The following OR5A2 variants were observed in gnomAD, a reference collection of about 807,000 sequenced individuals.
OR5A2 encodes the protein olfactory receptor 5A2.
For synonymous variants in OR5A2, 155 were observed against 151.1 expected, an observed-to-expected ratio of 1.03 and a Z score of -0.19; for missense variants, 406 against 398.9, an observed-to-expected ratio of 1.02 and a Z score of -0.15.
rs1174807316 is a variant in OR5A2 at position 59,418,935 on chromosome 11, G to A, written c.*3044C>T. 6.6e-6 allele frequency: 1 copy of A among 152,138 alleles called. No individual in the cohort carries two copies. Among genetic ancestry groups the A allele is most frequent in the Non-Finnish European group, 1.5e-5 (1 of 68,022 alleles). The allele number at this position is 152,138 out of a possible 1,614,324, so 9.4% of individuals were successfully genotyped here. A position where few individuals can be genotyped will look rare whatever the true frequency, so the allele number is the denominator to read the frequency against. On this transcript the variant is annotated 3_prime_UTR_variant, in exon 2 of 2. Coordinates refer to ENST00000302040, the MANE Select transcript of OR5A2 (RefSeq NM_001001954.2). ...ATAGCTCCATGTAAATCCAAAGCAT[G>A]AGACATTTTCATTAGTTAATTGTGT...
Position 59,422,358 on chromosome 11 carries a change from A to C in OR5A2, c.596T>G (p.Val199Gly). ...SCSDTFTSEV[V>G]TFIVSVVVGI... ...AACGACAACACTGACTATGAAGGTC[A>C]CCACCTCGCTGGTGAAGGTATCAGA... Residue 199 changes from valine (V) to glycine (G), a missense_variant, in exon 2 of 2, where the codon GTG becomes GGG. Physicochemically the swap from Val to Gly is moderately radical, Grantham distance 109. Transcript: ENST00000302040. 1 of 1,614,148 alleles carries C rather than the reference A, an allele frequency of 6.2e-7. No homozygotes were observed. The highest frequency in any genetic ancestry group is 2.2e-5 in the East Asian group (1 of 44,870).
In OR5A2 at chr11:59,421,932, T is replaced by C. The variant is rs9988824; in HGVS notation, c.*47A>G. On this transcript the variant is annotated 3_prime_UTR_variant, in exon 2 of 2. Transcript: ENST00000302040. Reference sequence around the variant, plus strand: ...CTATAGATCAACTAGTTTAAAATTATGTAAATGTCTGCACAATTCACCTAG... The same window carrying C: ...CTATAGATCAACTAGTTTAAAATTACGTAAATGTCTGCACAATTCACCTAG... The C allele has an allele frequency of 0.97, 1,467,242 of 1,511,618 alleles. 714,409 individuals carry two copies. The highest frequency in any genetic ancestry group is 0.99 in the Non-Finnish European group (1,116,337 of 1,128,364). 93.6% of individuals were successfully genotyped at this position (1,511,618 alleles called of 1,614,324 possible). A position where few individuals can be genotyped will look rare whatever the true frequency, so the allele number is the denominator to read the frequency against.
chr11:59,423,070 A>C (rs1042507140), intron 1 of OR5A2, 26 bp from the exon 2 acceptor site: 1 of 1,039,962 alleles, frequency 9.6e-7, no homozygotes, highest in African/African-American at 1.6e-5. Flanking sequence ...AACAGTCAGC[A>C]ACAAGTTAAA....
chr11:59,423,716 C>G (rs775738231), intron 1 of OR5A2: 1 of 152,052 alleles, frequency 6.6e-6, no homozygotes, highest in Non-Finnish European at 1.5e-5. Context: ...CACACACACA[C>G]TTAGCATGCT....
Position 59,422,675 on chromosome 11 carries a change from A to G in OR5A2, c.279T>C (p.Ile93=), listed in dbSNP as rs763417964. Residue 93 remains isoleucine (I), a synonymous_variant, in exon 2 of 2, where the codon ATT becomes ATC. Coordinates refer to ENST00000302040, the MANE Select transcript of OR5A2 (RefSeq NM_001001954.2). ...LSDIITEQKT[I]SFVGCATQYF... ...ACTGAGTGGCACAGCCAACAAAGGAAATGGTTTTCTGCTCTGTGATGATGT... is the reference window on the plus strand; with the variant it reads ...ACTGAGTGGCACAGCCAACAAAGGAGATGGTTTTCTGCTCTGTGATGATGT... The G allele has an allele frequency of 1.2e-5, 20 of 1,614,040 alleles. No homozygotes were observed. In the Admixed American group the frequency reaches 3.3e-4, roughly 27 times the overall value.
intron 1 of OR5A2, chr11:59,423,484 T>G (rs943320110): frequency 1.3e-5 from 2 of 152,734 alleles, no homozygotes; most frequent in African/African-American, 4.8e-5. Context: ...GGAACTGAAT[T>G]TAGTGGGCTA....
In OR5A2 at chr11:59,422,151, G is replaced by A; in HGVS notation, c.803C>T (p.Ser268Phe). ...GGACACCACCTTGTCCCTGTTTAGG[G>A]AGTAGCTGGAACTGGGTCGCATGTA... ...FMYMRPSSSY[S>F]LNRDKVVSIF... Residue 268 changes from serine (S) to phenylalanine (F), a missense_variant, in exon 2 of 2, where the codon TCC becomes TTC. Coordinates refer to ENST00000302040, the MANE Select transcript of OR5A2 (RefSeq NM_001001954.2). The A allele has an allele frequency of 1.2e-6, 2 of 1,614,086 alleles. No individual in the cohort carries two copies. The highest frequency in any genetic ancestry group is 1.7e-6 in the Non-Finnish European group (2 of 1,179,970).
chr11:59,424,305 T>A (rs997290326), intron 1 of OR5A2: 6 of 152,476 alleles, frequency 3.9e-5, no homozygotes, highest in African/African-American at 1.4e-4. Flanking sequence ...CTGGGGAGGC[T>A]GAGGCAGGAG....
At position 59,422,836 on chromosome 11, in the gene OR5A2, A is replaced by G. The variant is rs757934631; in HGVS notation, c.118T>C (p.Leu40=). 9 of 1,614,214 alleles carry G rather than the reference A, an allele frequency of 5.6e-6. No individual in the cohort carries two copies. Among genetic ancestry groups the G allele is most frequent in the South Asian group, 4.4e-5 (4 of 91,086 alleles). ...GCAATGAGGCTTAAGTTCCAGGCCA[A>G]CGTCAGGAGGTAGAGCCCCAGAAAT... The part of the protein sequence containing the change: ...MLFLGLYLLT[L]AWNLSLIALI... The change falls in exon 2 of 2, where the codon TTG becomes CTG. Residue 40 remains leucine, a synonymous_variant. Coordinates refer to ENST00000302040, the MANE Select transcript of OR5A2 (RefSeq NM_001001954.2).
Position 59,421,037 on chromosome 11 carries a change from G to A in OR5A2, c.*942C>T, listed in dbSNP as rs1185967165. 2 of 152,166 alleles carry A rather than the reference G, an allele frequency of 1.3e-5. No individual in the cohort carries two copies. Among genetic ancestry groups the A allele is most frequent in the Non-Finnish European group, 2.9e-5 (2 of 68,036 alleles). The allele number at this position is 152,166 out of a possible 1,614,324, so 9.4% of individuals were successfully genotyped here. On this transcript the variant is annotated 3_prime_UTR_variant, in exon 2 of 2. Transcript: ENST00000302040. ...TGCTATAAAAATATTCCTTAGGCTA[G>A]GTAATTCATAAAGAGATTTAATTGG...
At chr11:59,423,775 A>G (rs1858261769) in intron 1 of OR5A2, 1 of 152,168 alleles carries the variant, frequency 6.6e-6, no homozygotes, top group South Asian at 2.1e-4. Flanking sequence ...AAGAAAAGTC[A>G]TTGCACAAAA....
In OR5A2 at chr11:59,416,982, T is replaced by G. The variant is rs939221550; in HGVS notation, c.*4997A>C. 2 of 152,092 alleles carry G rather than the reference T, an allele frequency of 1.3e-5. No individual in the cohort carries two copies. The highest frequency in any genetic ancestry group is 4.8e-5 in the African/African-American group (2 of 41,444). The allele number at this position is 152,092 out of a possible 1,614,324, so 9.4% of individuals were successfully genotyped here. ...CAAAGCAACCCAGCCTCTTTTTGCA[T>G]AAGAAAGATGTTTTATTAGAACAAA... On this transcript the variant is annotated 3_prime_UTR_variant, in exon 2 of 2. Transcript: ENST00000302040.
In OR5A2 at chr11:59,419,620, T is replaced by C. The variant is rs1858199453; in HGVS notation, c.*2359A>G. 6.6e-6 allele frequency: 1 copy of C among 152,156 alleles called. No homozygotes were observed. The highest frequency in any genetic ancestry group is 2.1e-4 in the South Asian group (1 of 4,834). The allele number at this position is 152,156 out of a possible 1,614,324, so 9.4% of individuals were successfully genotyped here. A position where few individuals can be genotyped will look rare whatever the true frequency, so the allele number is the denominator to read the frequency against. ...CAATCAAATACATTTAAGAAATACA[T>C]TGGTTTCGTTCAGAAAGGCGGGACA... On this transcript the variant is annotated 3_prime_UTR_variant, in exon 2 of 2. Coordinates refer to ENST00000302040, the MANE Select transcript of OR5A2 (RefSeq NM_001001954.2).
chr11:59,424,431 A>G (rs1858269975), intron 1 of OR5A2: 1 of 152,116 alleles, frequency 6.6e-6, no homozygotes, highest in South Asian at 2.1e-4. Flanking sequence ...TAATAATAAT[A>G]CAAAACTTAG....
intron 1 of OR5A2, chr11:59,423,629 T>G (rs997820902): frequency 1.5e-5 from 2 of 137,684 alleles, no homozygotes; most frequent in African/African-American, 5.3e-5. Context: ...TGTATATGTA[T>G]ATTTGTATAT....
At position 59,421,501 on chromosome 11, in the gene OR5A2, T is replaced by C. The variant is rs890741567; in HGVS notation, c.*478A>G. 6.4e-6 allele frequency: 1 copy of C among 155,518 alleles called. No homozygotes were observed. Among genetic ancestry groups the C allele is most frequent in the Non-Finnish European group, 1.4e-5 (1 of 70,114 alleles). The allele number at this position is 155,518 out of a possible 1,614,324, so 9.6% of individuals were successfully genotyped here. Reference sequence around the variant, plus strand: ...CTCCCATCAGTCACAGGGGCTCCTATGGCCATGATTCTGAAACATGGGAAG... The same window carrying C: ...CTCCCATCAGTCACAGGGGCTCCTACGGCCATGATTCTGAAACATGGGAAG... On this transcript the variant is annotated 3_prime_UTR_variant, in exon 2 of 2. Coordinates refer to ENST00000302040, the MANE Select transcript of OR5A2 (RefSeq NM_001001954.2).
Position 59,418,198 on chromosome 11 carries a change from T to G in OR5A2, c.*3781A>C, listed in dbSNP as rs1224766259. The G allele has an allele frequency of 6.6e-6, 1 of 152,126 alleles. No homozygotes were observed. Among genetic ancestry groups the G allele is most frequent in the African/African-American group, 2.4e-5 (1 of 41,452 alleles). The allele number at this position is 152,126 out of a possible 1,614,324, so 9.4% of individuals were successfully genotyped here. On this transcript the variant is annotated 3_prime_UTR_variant, in exon 2 of 2. Transcript: ENST00000302040. ...CCCTCTAGCTGGGTGTATCAGGAACTGATCCACTTTATCAGCTTTGCTGTG... is the reference window on the plus strand; with the variant it reads ...CCCTCTAGCTGGGTGTATCAGGAACGGATCCACTTTATCAGCTTTGCTGTG...
rs11229952 is a variant in OR5A2, at chr11:59,421,933, G to A, written c.*46C>T. The A allele has an allele frequency of 0.035, 53,137 of 1,513,326 alleles. 1,194 individuals carry two copies. The highest frequency in any genetic ancestry group is 0.056 in the South Asian group (4,201 of 74,680). The allele number at this position is 1,513,326 out of a possible 1,614,324, so 93.7% of individuals were successfully genotyped here. A position where few individuals can be genotyped will look rare whatever the true frequency, so the allele number is the denominator to read the frequency against. On this transcript the variant is annotated 3_prime_UTR_variant, in exon 2 of 2. Transcript: ENST00000302040. ...TATAGATCAACTAGTTTAAAATTATGTAAATGTCTGCACAATTCACCTAGC... is the reference window on the plus strand; with the variant it reads ...TATAGATCAACTAGTTTAAAATTATATAAATGTCTGCACAATTCACCTAGC...
chr11:59,423,074 A>C (rs1858253143), intron 1 of OR5A2, 30 bp from the exon 2 acceptor site: 1 of 1,024,452 alleles, frequency 9.8e-7, no homozygotes, highest in Non-Finnish European at 1.4e-6. Context: ...GTCAGCAACA[A>C]GTTAAACTAC....
Sources: allele counts gnomAD v4.1 joint callset, GRCh38; gene constraint gnomAD v4.1.1; transcripts MANE v1.5; gene names NCBI Gene and HGNC (gene_info 2026-07-23, HGNC 2026-07-21).